The following ESRRG variants were observed in gnomAD, a reference collection of about 807,000 sequenced individuals.
The protein encoded by ESRRG is estrogen related receptor gamma.
Under a neutral mutation model 44.0 loss-of-function variants are expected in ESRRG, and 13 were observed. The ratio of observed to expected loss-of-function variants is 0.30; its 90% confidence interval spans 0.19 to 0.47. The LOEUF is 0.47. Among genes scored for constraint, ESRRG ranks in the 20% least tolerant of loss-of-function variants. The probability of loss-of-function intolerance (pLI) is 1.00; values close to 1 mark genes in which losing one functional copy is unlikely to be tolerated. For synonymous variants in ESRRG, 215 were observed against 214.6 expected (o/e 1.00, Z -0.02); for missense variants, 395 against 580.6 (o/e 0.68, Z 3.29).
intron 3 of ESRRG, among the ~76,000 whole-genome samples, chr1:216,621,655 A>G (rs2062256572): frequency 6.6e-6 from 1 of 152,184 alleles, no homozygotes; most frequent in Non-Finnish European, 1.5e-5. Flanking sequence ...CAACCACTGA[A>G]GACAAAATTT....
At position 216,586,476 on chromosome 1, in the gene ESRRG, G is replaced by A. The variant is rs185971212; in HGVS notation, c.590-18378C>T. Among the ~76,000 whole-genome samples, 56 of 151,884 alleles carry A rather than the reference G, an allele frequency of 3.7e-4. 1 individual carries two copies. The highest frequency in any genetic ancestry group is 3.4e-3 in the Middle Eastern group (1 of 292). ...TTAGAGGAATGGGCTAATTATTTCC[G>A]AAATATAATATGTAGTAATTAAACA... is the stretch of plus-strand genomic sequence containing the variant. On this transcript the variant is annotated intron_variant, in intron 3 of 6. Coordinates refer to ENST00000408911, the MANE Select transcript of ESRRG (RefSeq NM_001438.4).
At chr1:216,823,172 T>G (rs1432015778) in intron 2 of ESRRG, among the ~76,000 whole-genome samples, 1 of 152,044 alleles carries the variant, frequency 6.6e-6, no homozygotes, top group Non-Finnish European at 1.5e-5. Context: ...AGAATTTGCA[T>G]GAGTCACAGA....
chr1:216,553,785 T>G (rs2056938489), intron 5 of ESRRG, among the ~76,000 whole-genome samples: 1 of 152,074 alleles, frequency 6.6e-6, no homozygotes, highest in African/African-American at 2.4e-5. Flanking sequence ...TTTACATACC[T>G]TGTATATCAT....
intron 5 of ESRRG, among the ~76,000 whole-genome samples, chr1:216,533,388 T>G (rs1572442158): frequency 6.6e-6 from 1 of 152,278 alleles, no homozygotes; most frequent in Non-Finnish European, 1.5e-5. Context: ...TGAAAGAATT[T>G]TAATGCCTCA....
chr1:216,656,136 T>C (rs982357822), intron 2 of ESRRG, among the ~76,000 whole-genome samples: 10 of 152,192 alleles, frequency 6.6e-5, no homozygotes, highest in African/African-American at 2.4e-4. Context: ...ACACTGGATA[T>C]TCACTCAGGA....
chr1:216,614,688 G>A (rs1173813836), intron 3 of ESRRG, among the ~76,000 whole-genome samples: 1 of 152,190 alleles, frequency 6.6e-6, no homozygotes, highest in Non-Finnish European at 1.5e-5. Flanking sequence ...CTGTTGAGAA[G>A]AGTCTTGAAA....
At chr1:216,938,534 C>A (rs1023480228) in intron 2 of ESRRG, among the ~76,000 whole-genome samples, 1 of 152,160 alleles carries the variant, frequency 6.6e-6, no homozygotes, top group African/African-American at 2.4e-5. Context: ...TCTCAATTTG[C>A]AAATTAAGCA....
rs754910821 is a variant in ESRRG, at chr1:216,506,300, C to A, written c.*639G>T. The A allele has an allele frequency of 9.4e-6, 2 of 212,144 alleles. No individual in the cohort carries two copies. The highest frequency in any genetic ancestry group is 7.5e-5 in the South Asian group (1 of 13,346). 13.1% of individuals were successfully genotyped at this position (212,144 alleles called of 1,614,324 possible). Reference sequence around the variant, plus strand: ...TCTTTGATTCCTTAGTCATTGGGGACAGTATGGTTCACAATAAGTTCACTG... The same window carrying A: ...TCTTTGATTCCTTAGTCATTGGGGAAAGTATGGTTCACAATAAGTTCACTG... On this transcript the variant is annotated 3_prime_UTR_variant, in exon 7 of 7. Coordinates refer to ENST00000408911, the MANE Select transcript of ESRRG (RefSeq NM_001438.4).
intron 1 of ESRRG, among the ~76,000 whole-genome samples, chr1:216,718,699 C>T (rs2085460935): frequency 6.6e-6 from 1 of 151,980 alleles, no homozygotes; most frequent in South Asian, 2.1e-4. Context: ...ATGGAACAAA[C>T]TGGGCCAGTG....
At chr1:216,527,275 G>A (rs1263271022) in intron 5 of ESRRG, among the ~76,000 whole-genome samples, 1 of 152,020 alleles carries the variant, frequency 6.6e-6, no homozygotes, top group African/African-American at 2.4e-5. Context: ...TTCCAGTTTT[G>A]GTTAGGCCTT....
At chr1:217,075,593 C>CCCA (rs1553275046) in intron 1 of ESRRG, among the ~76,000 whole-genome samples, 1 of 147,862 alleles carries the variant, frequency 6.8e-6, no homozygotes, top group Admixed American at 6.8e-5. Flanking sequence ...CTCCTTTCCC[C>CCCA]CCCCCAACAT....
intron 1 of ESRRG, among the ~76,000 whole-genome samples, chr1:217,135,585 C>T (rs2093038510): frequency 6.6e-6 from 1 of 151,780 alleles, no homozygotes; most frequent in Non-Finnish European, 1.5e-5. Context: ...GCACCTCCTC[C>T]CAGCCTTTTC....
intron 2 of ESRRG, among the ~76,000 whole-genome samples, chr1:216,848,643 T>TA (rs1377131875): frequency 1.3e-5 from 2 of 152,144 alleles, no homozygotes; most frequent in South Asian, 2.1e-4. Flanking sequence ...AGCGATCTCA[T>TA]AGACAGTTAA....
chr1:216,690,024 T>C (rs1197471013), intron 1 of ESRRG, among the ~76,000 whole-genome samples: 3 of 151,674 alleles, frequency 2.0e-5, no homozygotes. Context: ...GCTGGGAGGG[T>C]ATAAAATTGG....
chr1:216,586,739 C>T (rs2063881076), intron 3 of ESRRG, among the ~76,000 whole-genome samples: 1 of 100,260 alleles, frequency 1.0e-5, no homozygotes, highest in South Asian at 3.3e-4. Context: ...CCATGCCTGG[C>T]TAATTTTTTT....
At chr1:216,722,411 T>A (rs2086539352) in intron 1 of ESRRG, among the ~76,000 whole-genome samples, 2 of 117,452 alleles carry the variant, frequency 1.7e-5, no homozygotes, top group East Asian at 2.9e-4. Flanking sequence ...CCCTACTCAC[T>A]CCCCCCCCTT....
At position 216,617,229 on chromosome 1, in the gene ESRRG, ATG is replaced by A. The variant is rs1269056246; in HGVS notation, c.589+33742_589+33743del. Among the ~76,000 whole-genome samples, 8 of 152,298 alleles carry A rather than the reference ATG, an allele frequency of 5.3e-5. 1 individual carries two copies. Among genetic ancestry groups the A allele is most frequent in the Non-Finnish European group, 8.8e-5 (6 of 68,044 alleles). ...ACAGAACAGAAGGCATGAGTGGCTG[ATG>A]TTAACCAAACCAAACGCCACTTGAG... On this transcript the variant is annotated intron_variant, in intron 3 of 6. Transcript: ENST00000408911.
intron 2 of ESRRG, among the ~76,000 whole-genome samples, chr1:216,856,392 T>TACACACACACACAC (rs2095941258): frequency 9.3e-6 from 1 of 107,812 alleles, no homozygotes; most frequent in Admixed American, 9.4e-5. Context: ...CACACACACT[T>TACACACACACACAC]GGAACGAACA....
chr1:216,663,632 A>T (rs1432466885), intron 2 of ESRRG, among the ~76,000 whole-genome samples: 1 of 107,718 alleles, frequency 9.3e-6, no homozygotes, highest in Non-Finnish European at 2.4e-5. Context: ...TCTATCATTC[A>T]TCATAAGAAA....
Sources: gnomAD v4.1 joint callset for allele counts (sites outside exome capture counted in the v4.1 genomes callset) on GRCh38, gnomAD v4.1.1 for gene constraint, MANE v1.5 for transcripts, NCBI Gene and HGNC (gene_info 2026-07-23, HGNC 2026-07-21) for gene names.